The following RFX7 variants were observed in gnomAD, a reference collection of about 807,000 sequenced individuals.
The protein encoded by RFX7 is DNA-binding protein RFX7.
RFX7 carries 26 observed loss-of-function variants against 111.8 expected under a neutral mutation model. The ratio of observed to expected loss-of-function variants is 0.23; its 90% CI spans 0.17 to 0.32. The LOEUF (loss-of-function observed/expected upper bound fraction) is 0.32. Among genes scored for constraint, RFX7 ranks in the 10% least tolerant of loss-of-function variants. The probability of loss-of-function intolerance (pLI) is 1.00; values close to 1 mark genes in which losing one functional copy is unlikely to be tolerated. For synonymous variants in RFX7, 624 were observed against 624.4 expected (o/e 1.00, Z 0.01); for missense variants, 1,573 against 1,772.9 (o/e 0.89, Z 2.02).
intron 2 of RFX7, among the ~76,000 whole-genome samples, chr15:56,196,176 A>C (rs1483400063): frequency 6.6e-6 from 1 of 152,142 alleles, no homozygotes; most frequent in Non-Finnish European, 1.5e-5. Context: ...TATAAAGAAT[A>C]ATATAACACC....
chr15:56,156,002 T>C (rs1425602379), intron 3 of RFX7, among the ~76,000 whole-genome samples: 2 of 152,026 alleles, frequency 1.3e-5, no homozygotes, highest in African/African-American at 4.8e-5. Flanking sequence ...ATCCAAAAAC[T>C]GGTTAAAAAG....
At chr15:56,232,774 G>A (rs1020600894) in intron 2 of RFX7, among the ~76,000 whole-genome samples, 2 of 152,124 alleles carry the variant, frequency 1.3e-5, no homozygotes, top group African/African-American at 2.4e-5. Context: ...AAATCTCTAG[G>A]GCAGGGGTAA....
At chr15:56,111,689 AC>A (rs1212425862) in intron 5 of RFX7, among the ~76,000 whole-genome samples, 4 of 151,734 alleles carry the variant, frequency 2.6e-5, no homozygotes, top group Non-Finnish European at 2.9e-5. Context: ...AACCAAAAAA[AC>A]AATACCAGGG....
chr15:56,237,689 C>T (rs538381538), intron 2 of RFX7, among the ~76,000 whole-genome samples: 5 of 152,252 alleles, frequency 3.3e-5, no homozygotes, highest in Middle Eastern at 3.4e-3. Flanking sequence ...GCAAATTGGT[C>T]AATCATTTAA....
intron 5 of RFX7, among the ~76,000 whole-genome samples, chr15:56,116,392 T>A (rs1175744206): frequency 2.0e-5 from 3 of 152,228 alleles, no homozygotes; most frequent in Non-Finnish European, 4.4e-5. Context: ...ACATATTTGT[T>A]GACTGGTTGC....
chr15:56,140,413 G>C (rs1251661179), intron 5 of RFX7, among the ~76,000 whole-genome samples: 1 of 152,198 alleles, frequency 6.6e-6, no homozygotes, highest in East Asian at 1.9e-4. Flanking sequence ...CTTTGACTCG[G>C]AAAGGGAACT....
intron 5 of RFX7, among the ~76,000 whole-genome samples, chr15:56,124,313 T>A (rs2042114809): frequency 6.6e-6 from 1 of 151,484 alleles, no homozygotes; most frequent in South Asian, 2.1e-4. Flanking sequence ...TCCCAGCTAC[T>A]AGGGAGGCTG....
rs534620906 is a variant in RFX7, at chr15:56,162,181, C to A, written c.195+17089G>T. On this transcript the variant is annotated intron_variant, in intron 3 of 9. Coordinates refer to ENST00000559447, the MANE Select transcript of RFX7 (RefSeq NM_022841.7). ...GACAGTCCAGCTGCCACAATGCTTT[C>A]AAAAAACTGGATTTCTACTGGATTC... Among the ~76,000 whole-genome samples the A allele has an allele frequency of 1.1e-4, 16 of 152,078 alleles. No homozygotes were observed. In the East Asian group the frequency reaches 2.1e-3, roughly 20 times the overall value.
intron 5 of RFX7, among the ~76,000 whole-genome samples, chr15:56,114,637 C>T (rs1003849368): frequency 1.3e-5 from 2 of 151,798 alleles, no homozygotes; most frequent in Non-Finnish European, 1.5e-5. Context: ...GGTAACTACA[C>T]AATGAACAAT....
At chr15:56,117,443 A>G (rs2042022837) in intron 5 of RFX7, among the ~76,000 whole-genome samples, 2 of 152,158 alleles carry the variant, frequency 1.3e-5, no homozygotes, top group African/African-American at 4.8e-5. Flanking sequence ...CAGTGAACAG[A>G]TCAGGGTAAT....
chr15:56,093,889 C>T lies in RFX7; in HGVS notation c.3839G>A (p.Arg1280Gln), dbSNP rs763524393. 6 of 1,613,766 alleles carry T rather than the reference C, an allele frequency of 3.7e-6. No homozygotes were observed. The highest frequency in any genetic ancestry group is 4.2e-6 in the Non-Finnish European group (5 of 1,179,878). ...MNNLPSNYTA[R>Q]MNLTQILEPS... ...TTCCAAAATCTGAGTGAGATTCATC[C>T]GGGCTGTATAATTAGAGGGCAGGTT... The change falls in exon 10 of 10, where the codon CGG becomes CAG. Residue 1280 changes from arginine to glutamine, a missense_variant. Physicochemically the swap from Arg to Gln is conservative, Grantham distance 43. Transcript: ENST00000559447.
chr15:56,195,707 T>C (rs2043141231), intron 2 of RFX7, among the ~76,000 whole-genome samples: 1 of 152,200 alleles, frequency 6.6e-6, no homozygotes, highest in African/African-American at 2.4e-5. Flanking sequence ...AATCATACAG[T>C]GGTGTTCACT....
At chr15:56,238,728 T>A (rs1213501218) in intron 2 of RFX7, among the ~76,000 whole-genome samples, 1 of 152,206 alleles carries the variant, frequency 6.6e-6, no homozygotes, top group African/African-American at 2.4e-5. Flanking sequence ...AAATAAAACA[T>A]CAGGATTTCT....
chr15:56,227,573 C>T (rs2043498925), intron 2 of RFX7, among the ~76,000 whole-genome samples: 1 of 152,048 alleles, frequency 6.6e-6, no homozygotes, highest in Non-Finnish European at 1.5e-5. Flanking sequence ...ACATTTATGA[C>T]TAATCCAAGT....
At chr15:56,147,153 T>A (rs768965721) in intron 3 of RFX7, among the ~76,000 whole-genome samples, 1 of 152,212 alleles carries the variant, frequency 6.6e-6, no homozygotes, top group Non-Finnish European at 1.5e-5. Context: ...CAAAAAAAAT[T>A]CCTTTGGCTG....
At chr15:56,183,110 T>C (rs1299587528) in intron 2 of RFX7, among the ~76,000 whole-genome samples, 1 of 152,102 alleles carries the variant, frequency 6.6e-6, no homozygotes, top group Non-Finnish European at 1.5e-5. Flanking sequence ...AGCAATGTTG[T>C]GTGCCTTTTT....
intron 2 of RFX7, among the ~76,000 whole-genome samples, chr15:56,202,551 C>A (rs1418142923): frequency 6.6e-6 from 1 of 152,182 alleles, no homozygotes; most frequent in Non-Finnish European, 1.5e-5. Context: ...CACCTGTAAT[C>A]CCAACACTTT....
At position 56,095,587 on chromosome 15, in the gene RFX7, A is replaced by G; in HGVS notation, c.2141T>C (p.Ile714Thr). ...KTEGSTAGAQ[I>T]PSKVSVNVSS... ...GACATTTACTGATACCTTGCTAGGA[A>G]TCTGAGCACCTGCTGTTGAACCTTC... Residue 714 changes from isoleucine to threonine, a missense_variant, in exon 10 of 10, where the codon ATT (isoleucine) becomes ACT (threonine). Ile to Thr is a moderately conservative substitution (Grantham distance 89). This residue lies in a region of RFX7 where 625 missense variants were observed against 632.2 expected (regional missense o/e 0.99). Coordinates refer to ENST00000559447, the MANE Select transcript of RFX7 (RefSeq NM_022841.7). The G allele has an allele frequency of 4.3e-6, 7 of 1,613,984 alleles. No homozygotes were observed. In the South Asian group the frequency reaches 5.5e-5, roughly 13 times the overall value.
chr15:56,219,691 A>C (rs1299667989), intron 2 of RFX7, among the ~76,000 whole-genome samples: 3 of 152,180 alleles, frequency 2.0e-5, no homozygotes, highest in Non-Finnish European at 4.4e-5. Context: ...CAAAGGACAT[A>C]ATCTCATTCT....
Sources: allele counts gnomAD v4.1 joint callset (sites outside exome capture counted in the v4.1 genomes callset), GRCh38; gene constraint gnomAD v4.1.1; regional missense constraint gnomAD v4.1.1; transcripts MANE v1.5; gene names NCBI Gene and HGNC (gene_info 2026-07-23, HGNC 2026-07-21).